Variants in FOXP1 observed in about 807,000 individuals in gnomAD.
FOXP1 encodes forkhead box P1, also known as forkhead box protein P1.
Under a neutral mutation model 98.2 loss-of-function variants are expected in FOXP1, and 15 were observed. That is an observed-to-expected ratio of 0.15 (90% confidence interval 0.10 to 0.24). FOXP1 has a LOEUF of 0.24. Among genes scored for constraint, FOXP1 ranks in the 10% least tolerant of loss-of-function variants. FOXP1 has a pLI of 1.00. For missense variants in FOXP1, 633 were observed against 848.5 expected (o/e 0.75, Z 3.15); for synonymous variants, 371 against 314.5 (o/e 1.18, Z -1.90).
intron 4 of FOXP1, among the ~76,000 whole-genome samples, chr3:71,331,459 C>T (rs1230049576): frequency 6.8e-6 from 1 of 146,912 alleles, no homozygotes; most frequent in East Asian, 1.9e-4. Context: ...GTCCCATCGA[C>T]CGCCCAAGGG....
At chr3:71,445,708 A>G (rs1187711514) in intron 3 of FOXP1, among the ~76,000 whole-genome samples, 2 of 141,678 alleles carry the variant, frequency 1.4e-5, no homozygotes, top group African/African-American at 5.3e-5. Context: ...TTTTTTTGAG[A>G]TGGAGTTTCA....
intron 13 of FOXP1, among the ~76,000 whole-genome samples, chr3:70,998,140 C>A (rs1486219964): frequency 6.6e-6 from 1 of 152,152 alleles, no homozygotes. Context: ...TCCTCTTGAC[C>A]AGGGGTGCCT....
At chr3:71,294,494 CT>C (rs746242579) in intron 5 of FOXP1, among the ~76,000 whole-genome samples, 16 of 152,264 alleles carry the variant, frequency 1.1e-4, no homozygotes, top group Non-Finnish European at 1.8e-4. Context: ...CCCCTCTAGA[CT>C]ATCAACTCTG....
chr3:71,581,746 C>T (rs2048185909), intron 1 of FOXP1, 49 bp from the exon 2 acceptor site: 1 of 985,782 alleles, frequency 1.0e-6, no homozygotes, highest in Non-Finnish European at 1.2e-6. Flanking sequence ...CTTCCCCGTG[C>T]AGGCTGGGGG....
intron 5 of FOXP1, among the ~76,000 whole-genome samples, chr3:71,241,530 G>T (rs2067281449): frequency 6.6e-6 from 1 of 152,162 alleles, no homozygotes; most frequent in Non-Finnish European, 1.5e-5. Context: ...TCCTTTAAAT[G>T]TTACATCTTC....
intron 5 of FOXP1, among the ~76,000 whole-genome samples, chr3:71,288,923 A>C (rs2072457628): frequency 6.6e-6 from 1 of 152,234 alleles, no homozygotes; most frequent in Admixed American, 6.5e-5. Context: ...TACTAAGGTC[A>C]TCAATGACTT....
intron 9 of FOXP1, among the ~76,000 whole-genome samples, chr3:71,047,727 T>C (rs2049223967): frequency 6.6e-6 from 1 of 152,236 alleles, no homozygotes; most frequent in South Asian, 2.1e-4. Context: ...GAGTTTAACA[T>C]GAACGACAGT....
chr3:71,383,607 C>T lies in FOXP1; in HGVS notation c.-167-24363G>A, dbSNP rs148090626. Among the ~76,000 whole-genome samples, 466 of 152,202 alleles carry T rather than the reference C, an allele frequency of 3.1e-3. 1 individual carries two copies. The highest frequency in any genetic ancestry group is 4.8e-3 in the Non-Finnish European group (325 of 68,012). On this transcript the variant is annotated intron_variant, in intron 3 of 20. Transcript: ENST00000649528. The stretch of plus-strand genomic sequence containing the variant: ...TGCAAAGTAGCTTCAGTTTTTGCTA[C>T]ATTTATGGGAGAGAGAGTGGAGGGA...
chr3:71,158,215 GA>G (rs1249525425), intron 6 of FOXP1, among the ~76,000 whole-genome samples: 1 of 151,026 alleles, frequency 6.6e-6, no homozygotes, highest in South Asian at 2.1e-4. Flanking sequence ...GGGAAAGAAA[GA>G]AAAAAGAAAG....
intron 11 of FOXP1, among the ~76,000 whole-genome samples, chr3:71,032,973 TCAA>T (rs566438282): frequency 2.1e-3 from 327 of 152,262 alleles, no homozygotes; most frequent in African/African-American, 7.3e-3. Flanking sequence ...GGTGTGCAAT[TCAA>T]CAACAACTTT....
At chr3:71,180,551 A>G (rs2062229987) in intron 6 of FOXP1, among the ~76,000 whole-genome samples, 2 of 152,166 alleles carry the variant, frequency 1.3e-5, no homozygotes, top group South Asian at 4.1e-4. Flanking sequence ...CTCTCCCCAA[A>G]GGATACTCTT....
intron 2 of FOXP1, among the ~76,000 whole-genome samples, chr3:71,518,647 C>T (rs754849394): frequency 1.4e-4 from 22 of 152,188 alleles, no homozygotes; most frequent in Middle Eastern, 6.8e-3. Context: ...AAGATGGTGG[C>T]GCCATAAAAT....
intron 11 of FOXP1, among the ~76,000 whole-genome samples, chr3:71,019,847 AAAAC>A (rs998346885): frequency 5.7e-5 from 7 of 123,560 alleles, no homozygotes; most frequent in African/African-American, 2.5e-4. Context: ...CCCCCCAAAA[AAAAC>A]AAAACAAAAC....
At chr3:71,038,256 C>T (rs1467000954) in intron 11 of FOXP1, among the ~76,000 whole-genome samples, 1 of 152,192 alleles carries the variant, frequency 6.6e-6, no homozygotes. Flanking sequence ...CAAATTTTCC[C>T]ATCGAGCACC....
intron 6 of FOXP1, among the ~76,000 whole-genome samples, chr3:71,134,309 C>A (rs1028093245): frequency 2.0e-5 from 3 of 152,124 alleles, no homozygotes; most frequent in Non-Finnish European, 4.4e-5. Context: ...CTCCCCAGGG[C>A]CCTCTCTTAA....
chr3:71,169,575 T>TG (rs2061546438), intron 6 of FOXP1, among the ~76,000 whole-genome samples: 1 of 152,098 alleles, frequency 6.6e-6, no homozygotes, highest in Non-Finnish European at 1.5e-5. Context: ...CTGGCTTTTG[T>TG]TTAACTGCAC....
intron 18 of FOXP1, chr3:70,971,717 GGA>G (rs973284562): frequency 6.2e-5 from 17 of 275,614 alleles, no homozygotes; most frequent in African/African-American, 2.8e-4. Flanking sequence ...CTTGGGGTGG[GGA>G]GAGAGGGGGG....
At chr3:71,530,675 G>A (rs993402533) in intron 2 of FOXP1, among the ~76,000 whole-genome samples, 1 of 152,228 alleles carries the variant, frequency 6.6e-6, no homozygotes, top group African/African-American at 2.4e-5. Context: ...CACATACTGT[G>A]TTAAGCCCTT....
intron 1 of FOXP1, chr3:71,581,962 G>A (rs1423509983): frequency 2.1e-6 from 2 of 970,984 alleles, no homozygotes; most frequent in East Asian, 1.1e-4. Flanking sequence ...ACAAAAAGGA[G>A]GGGGGAGGAA....
Sources: gnomAD v4.1 joint callset for allele counts (sites outside exome capture counted in the v4.1 genomes callset) on GRCh38, gnomAD v4.1.1 for gene constraint, MANE v1.5 for transcripts, NCBI Gene and HGNC (gene_info 2026-07-23, HGNC 2026-07-21) for gene names.